Variants in POU6F2 observed in about 807,000 individuals in gnomAD.
POU6F2 encodes POU domain, class 6, transcription factor 2.
Under a neutral mutation model 71.3 loss-of-function variants are expected in POU6F2, and 31 were observed. The observed-to-expected ratio is 0.43, with a 90% confidence interval of 0.33 to 0.59. POU6F2 has a LOEUF of 0.59. Among genes scored for constraint, POU6F2 ranks in the 20% least tolerant of loss-of-function variants. The pLI is 0.04. For missense variants in POU6F2, 783 were observed against 856.8 expected (o/e 0.91, Z 1.07); for synonymous variants, 347 against 355.7 (o/e 0.98, Z 0.27).
chr7:39,104,304 A>C (rs1007453175), intron 2 of POU6F2, among the ~76,000 whole-genome samples: 2 of 152,204 alleles, frequency 1.3e-5, no homozygotes, highest in Non-Finnish European at 2.9e-5. Flanking sequence ...ACAAATCTTC[A>C]ATTTTGGCAA....
intron 2 of POU6F2, among the ~76,000 whole-genome samples, chr7:39,167,211 A>G (rs1793132774): frequency 6.6e-6 from 1 of 152,134 alleles, no homozygotes; most frequent in East Asian, 1.9e-4. Context: ...ATATGAATAT[A>G]ATTTTATTTG....
At chr7:39,295,400 G>A (rs997772818) in intron 4 of POU6F2, among the ~76,000 whole-genome samples, 2 of 152,184 alleles carry the variant, frequency 1.3e-5, no homozygotes, top group African/African-American at 4.8e-5. Flanking sequence ...CAGATCACTT[G>A]AGGTCAGGAG....
intron 1 of POU6F2, among the ~76,000 whole-genome samples, chr7:38,998,490 C>G (rs940762915): frequency 2.0e-5 from 3 of 152,040 alleles, no homozygotes; most frequent in African/African-American, 7.2e-5. Context: ...TATATGTAGA[C>G]GTACAAATAT....
At chr7:39,228,715 T>G (rs1794518284) in intron 4 of POU6F2, among the ~76,000 whole-genome samples, 1 of 152,196 alleles carries the variant, frequency 6.6e-6, no homozygotes, top group Non-Finnish European at 1.5e-5. Flanking sequence ...CAGTAAGTAG[T>G]CGCAAATGAA....
chr7:39,207,126 G>A (rs1228465404), intron 3 of POU6F2, among the ~76,000 whole-genome samples: 1 of 152,216 alleles, frequency 6.6e-6, no homozygotes, highest in African/African-American at 2.4e-5. Context: ...CAATGGAAGA[G>A]TAGCATATAA....
chr7:39,330,307 G>T (rs1220465538), intron 4 of POU6F2, among the ~76,000 whole-genome samples: 1 of 152,154 alleles, frequency 6.6e-6, no homozygotes, highest in African/African-American at 2.4e-5. Context: ...TTAGTTAACT[G>T]TATAATTTTA....
chr7:39,239,941 G>A (rs1324720851), intron 4 of POU6F2, among the ~76,000 whole-genome samples: 1 of 152,012 alleles, frequency 6.6e-6, no homozygotes, highest in South Asian at 2.1e-4. Context: ...TTCACAAATG[G>A]GACTATCTTA....
chr7:39,155,266 G>C (rs571767282), intron 2 of POU6F2, among the ~76,000 whole-genome samples: 1 of 150,698 alleles, frequency 6.6e-6, no homozygotes, highest in Admixed American at 6.6e-5. Context: ...GGTGGGGGTT[G>C]GGGGGGAGTT....
chr7:39,366,698 G>A (rs188061759), intron 5 of POU6F2, among the ~76,000 whole-genome samples: 2 of 152,126 alleles, frequency 1.3e-5, no homozygotes, highest in African/African-American at 2.4e-5. Flanking sequence ...GGGCAAAAAG[G>A]TGTGGGGCAT....
chr7:39,178,083 G>A (rs1331464371), intron 2 of POU6F2, among the ~76,000 whole-genome samples: 2 of 152,024 alleles, frequency 1.3e-5, no homozygotes, highest in South Asian at 2.1e-4. Flanking sequence ...GTGAACCACC[G>A]TCTCTACTAA....
intron 2 of POU6F2, among the ~76,000 whole-genome samples, chr7:39,189,813 TC>T (rs1218406066): frequency 6.6e-6 from 1 of 152,188 alleles, no homozygotes; most frequent in Non-Finnish European, 1.5e-5. Flanking sequence ...AAGCTCCACT[TC>T]CTTGAACTCT....
At position 39,339,887 on chromosome 7, in the gene POU6F2, C is replaced by CCCCACT; in HGVS notation, c.855_860dup (p.His285_Ser286dup). On this transcript the variant is annotated inframe_insertion, in exon 5 of 10. Coordinates refer to ENST00000518318, the MANE Select transcript of POU6F2 (RefSeq NM_001370959.1). ...GGCGCCTCAGCCCCAGCAGCACCAA[C>CCCCACT]CCCACTCCCACTCCCAGAACCAGAA... is the stretch of plus-strand genomic sequence containing the variant. The CCCCACT allele has an allele frequency of 6.2e-7, 1 of 1,613,786 alleles. No individual in the cohort carries two copies. Among genetic ancestry groups the CCCCACT allele is most frequent in the Non-Finnish European group, 8.5e-7 (1 of 1,179,788 alleles).
At chr7:39,362,749 G>T (rs189361082) in intron 5 of POU6F2, among the ~76,000 whole-genome samples, 54 of 152,254 alleles carry the variant, frequency 3.5e-4, no homozygotes, top group African/African-American at 1.2e-3. Context: ...TGGGGTCAAG[G>T]TGAAAGAAAG....
chr7:39,016,755 T>C (rs1789558590), intron 1 of POU6F2, among the ~76,000 whole-genome samples: 1 of 152,124 alleles, frequency 6.6e-6, no homozygotes, highest in African/African-American at 2.4e-5. Flanking sequence ...GCTGGAGTTG[T>C]GTAGGTCAAG....
intron 2 of POU6F2, among the ~76,000 whole-genome samples, chr7:39,192,454 C>T (rs1025112917): frequency 1.3e-5 from 2 of 152,090 alleles, no homozygotes; most frequent in African/African-American, 4.8e-5. Context: ...TTCATGGACC[C>T]TCACAAATGG....
At chr7:39,094,366 G>A (rs1562703679) in intron 2 of POU6F2, among the ~76,000 whole-genome samples, 2 of 152,072 alleles carry the variant, frequency 1.3e-5, no homozygotes, top group Non-Finnish European at 2.9e-5. Flanking sequence ...CTAAATATTT[G>A]TCTATTTCTG....
intron 2 of POU6F2, among the ~76,000 whole-genome samples, chr7:39,161,018 G>A (rs1355888391): frequency 6.6e-6 from 1 of 152,122 alleles, no homozygotes; most frequent in African/African-American, 2.4e-5. Flanking sequence ...GCACAGAGTA[G>A]TAGTAAATTC....
chr7:39,446,712 T>C (rs1052937478), intron 7 of POU6F2, among the ~76,000 whole-genome samples: 3 of 152,242 alleles, frequency 2.0e-5, no homozygotes, highest in African/African-American at 4.8e-5. Flanking sequence ...TCTCAGACAC[T>C]GCATCCTGTG....
intron 6 of POU6F2, among the ~76,000 whole-genome samples, chr7:39,408,075 AT>A (rs569630370): frequency 7.5e-4 from 114 of 152,298 alleles, no homozygotes; most frequent in Non-Finnish European, 7.4e-5. Context: ...GCCTATTAAG[AT>A]TTCTGGAGGG....
Sources: gnomAD v4.1 joint callset for allele counts (sites outside exome capture counted in the v4.1 genomes callset) on GRCh38, gnomAD v4.1.1 for gene constraint, MANE v1.5 for transcripts, NCBI Gene and HGNC (gene_info 2026-07-23, HGNC 2026-07-21) for gene names.